Variants in TYW3 observed in about 807,000 individuals in gnomAD.
The protein encoded by TYW3 is tRNA-yW synthesizing protein 3 homolog, also known as tRNA wybutosine-synthesizing protein 3 homolog.
A neutral mutation model predicts 23.1 loss-of-function variants in TYW3; 26 were observed. The observed-to-expected ratio is 1.13, with a 90% CI of 0.83 to 1.56. The LOEUF (loss-of-function observed/expected upper bound fraction) is 1.56. TYW3 is among the 40% of genes most tolerant of loss of function. The pLI is 0.00. For synonymous variants in TYW3, 102 were observed against 105.7 expected (o/e 0.97, Z 0.21); for missense variants, 316 against 311.9 (o/e 1.01, Z -0.10).
rs1445725876 is a variant in TYW3 at position 74,733,152 on chromosome 1, C to T, written c.-93C>T. 6.7e-7 allele frequency: 1 copy of T among 1,489,894 alleles called. No individual in the cohort carries two copies. Among genetic ancestry groups the T allele is most frequent in the East Asian group, 2.4e-5 (1 of 41,110 alleles). 92.3% of individuals were successfully genotyped at this position (1,489,894 alleles called of 1,614,324 possible). ...TTAAGAACGAAGAGGAAGTTTGGAC[C>T]TTTTCGGCCACCGCTCGCTTCAATA... On this transcript the variant is annotated 5_prime_UTR_variant, in exon 1 of 6. Coordinates refer to ENST00000370867, the MANE Select transcript of TYW3 (RefSeq NM_138467.3).
chr1:74,736,643 T>A (rs1342863017), intron 2 of TYW3, 21 bp downstream of exon 2: 4 of 1,559,052 alleles, frequency 2.6e-6, no homozygotes, highest in Non-Finnish European at 3.5e-6. Context: ...AAAAATAAAT[T>A]TGGAAATAAA....
intron 4 of TYW3, among the ~76,000 whole-genome samples, chr1:74,749,921 G>A (rs1043614554): frequency 3.3e-5 from 5 of 152,014 alleles, no homozygotes; most frequent in African/African-American, 9.7e-5. Context: ...ACGCCACTGC[G>A]CTCTGGCTGG....
At position 74,748,827 on chromosome 1, in the gene TYW3, G is replaced by C. The variant is rs1179487522; in HGVS notation, c.426+5G>C. On this transcript the variant is annotated splice_donor_5th_base_variant and intron_variant, in intron 4 of 5. Coordinates refer to ENST00000370867, the MANE Select transcript of TYW3 (RefSeq NM_138467.3). ...AAGAGAGGAAAAACTATGTTGGTAA[G>C]ATATTTTGTCAAAGAGTAATTTTTT... 1 of 1,613,588 alleles carries C rather than the reference G, an allele frequency of 6.2e-7. No individual in the cohort carries two copies. The highest frequency in any genetic ancestry group is 1.7e-5 in the Admixed American group (1 of 59,978).
At chr1:74,741,192 C>A (rs1216465579) in intron 3 of TYW3, among the ~76,000 whole-genome samples, 1 of 152,158 alleles carries the variant, frequency 6.6e-6, no homozygotes, top group East Asian at 1.9e-4. Context: ...AAAAGGATTC[C>A]ATTAAAGGGG....
chr1:74,741,551 G>A (rs1648363680), intron 3 of TYW3, among the ~76,000 whole-genome samples: 1 of 152,170 alleles, frequency 6.6e-6, no homozygotes, highest in Non-Finnish European at 1.5e-5. Flanking sequence ...AGAGGGGAGA[G>A]ATTTGACTAA....
intron 3 of TYW3, among the ~76,000 whole-genome samples, chr1:74,748,147 C>CTTAA (rs3041457): frequency 2.0e-5 from 3 of 151,650 alleles, no homozygotes; most frequent in Middle Eastern, 3.2e-3. Context: ...GTTGTGACAA[C>CTTAA]CAAAAATGGC....
chr1:74,736,407 G>T (rs756788725), intron 1 of TYW3, 135 bp from the exon 2 acceptor site: 8 of 559,374 alleles, frequency 1.4e-5, no homozygotes, highest in Admixed American at 4.2e-5. Flanking sequence ...AAAACATACC[G>T]AATTGTTTTT....
At chr1:74,740,078 C>A (rs1357679987) in intron 3 of TYW3, among the ~76,000 whole-genome samples, 2 of 152,200 alleles carry the variant, frequency 1.3e-5, no homozygotes, top group East Asian at 3.8e-4. Context: ...GTCTCGCTGA[C>A]TTCAAGAATG....
At chr1:74,741,101 G>T (rs937030728) in intron 3 of TYW3, among the ~76,000 whole-genome samples, 1 of 152,228 alleles carries the variant, frequency 6.6e-6, no homozygotes, top group Non-Finnish European at 1.5e-5. Flanking sequence ...GAAGTTGTTA[G>T]TTGAGCTCGT....
At chr1:74,750,029 C>T (rs1018303238) in intron 4 of TYW3, 1 of 152,190 alleles carries the variant, frequency 6.6e-6, no homozygotes, top group Non-Finnish European at 1.5e-5. Flanking sequence ...CATCTGGTAT[C>T]CCAGATGAAA....
chr1:74,751,067 C>T (rs1648768705), intron 4 of TYW3: 1 of 152,104 alleles, frequency 6.6e-6, no homozygotes, highest in African/African-American at 2.4e-5. Flanking sequence ...CTTCCTTGGC[C>T]TCCCAAAGTG....
At position 74,759,126 on chromosome 1, in the gene TYW3, A is replaced by G. The variant is rs973305823; in HGVS notation, c.561-4768A>G. Among the ~76,000 whole-genome samples the G allele has an allele frequency of 4.6e-5, 7 of 152,216 alleles. No individual in the cohort carries two copies. The East Asian group carries it at 1.3e-3, about 29-fold the overall frequency. On this transcript the variant is annotated intron_variant, in intron 5 of 5. Transcript: ENST00000370867. ...AAGGCTTCAAAGCATTAGGATGCTTATTCTGGAAGACCTGTCAGATGGTTT... is the reference window on the plus strand; with the variant it reads ...AAGGCTTCAAAGCATTAGGATGCTTGTTCTGGAAGACCTGTCAGATGGTTT...
chr1:74,760,928 C>T (rs1191542234), intron 5 of TYW3, among the ~76,000 whole-genome samples: 3 of 152,188 alleles, frequency 2.0e-5, no homozygotes, highest in Non-Finnish European at 4.4e-5. Flanking sequence ...TTTTCTCAGG[C>T]TTGGCCTGAA....
chr1:74,763,663 G>C (rs917350824), intron 5 of TYW3, among the ~76,000 whole-genome samples: 13 of 152,090 alleles, frequency 8.5e-5, no homozygotes, highest in African/African-American at 2.9e-4. Flanking sequence ...GGGTTGGAAA[G>C]TGAGGTAGGA....
intron 3 of TYW3, among the ~76,000 whole-genome samples, chr1:74,744,878 AC>A (rs1227935784): frequency 1.3e-5 from 2 of 152,074 alleles, no homozygotes; most frequent in East Asian, 3.9e-4. Context: ...AGTGAGTGTT[AC>A]AGCTCTTAAA....
intron 5 of TYW3, among the ~76,000 whole-genome samples, chr1:74,753,023 T>C (rs899224395): frequency 1.3e-5 from 2 of 152,238 alleles, no homozygotes; most frequent in African/African-American, 4.8e-5. Flanking sequence ...GAAACTTCTA[T>C]ATTATTTTCT....
rs1421771408 is a variant in TYW3 at position 74,764,123 on chromosome 1, C to T, written c.*10C>T. The T allele has an allele frequency of 2.6e-5, 42 of 1,600,832 alleles. No individual in the cohort carries two copies. The highest frequency in any genetic ancestry group is 3.6e-5 in the Non-Finnish European group (42 of 1,174,750). On this transcript the variant is annotated 3_prime_UTR_variant, in exon 6 of 6. Coordinates refer to ENST00000370867, the MANE Select transcript of TYW3 (RefSeq NM_138467.3). ...CCCTGAAGATTACTAAGCTTTGGTT[C>T]TGATGTGTCTTGGCCGTAATGTTTC...
At chr1:74,748,635 T>A in intron 3 of TYW3, 116 bp from the exon 4 acceptor site, 2 of 1,046,968 alleles carry the variant, frequency 1.9e-6, no homozygotes, top group Non-Finnish European at 2.8e-6. Flanking sequence ...GACGAAAAAT[T>A]TTTTTAAAAA....
At chr1:74,743,215 GGT>G in intron 3 of TYW3, among the ~76,000 whole-genome samples, 1 of 152,238 alleles carries the variant, frequency 6.6e-6, no homozygotes, top group East Asian at 1.9e-4. Context: ...AGCCCCACCG[GGT>G]GATTGGCCTG....
Sources: gnomAD v4.1 joint callset for allele counts (sites outside exome capture counted in the v4.1 genomes callset) on GRCh38, gnomAD v4.1.1 for gene constraint, MANE v1.5 for transcripts, NCBI Gene and HGNC (gene_info 2026-07-23, HGNC 2026-07-21) for gene names.